The following GPHN variants were observed in gnomAD, a reference collection of about 807,000 sequenced individuals.
GPHN encodes the protein gephyrin.
In GPHN, 17 loss-of-function variants were observed where a neutral mutation model predicts 95.5. The observed-to-expected ratio is 0.18, with a 90% CI of 0.12 to 0.27. GPHN has a LOEUF of 0.27. GPHN is among the 10% of genes least tolerant of loss of function. The pLI is 1.00. For synonymous variants in GPHN, 320 were observed against 322.5 expected (o/e 0.99, Z 0.08); for missense variants, 660 against 978.1 (o/e 0.67, Z 4.34).
chr14:67,586,849 A>C, the GPHN span: 7 of 1,500,962 alleles, frequency 4.7e-6, no homozygotes, highest in Non-Finnish European at 5.3e-6. Context: ...TTTTCTCAGA[A>C]GGGCACTGTG....
At chr14:67,370,230 C>T in the GPHN span, among the ~76,000 whole-genome samples, 5 of 152,164 alleles carry the variant, frequency 3.3e-5, no homozygotes, top group Admixed American at 6.5e-5. Context: ...CCAGCTTGGG[C>T]GTTAGGACCA....
chr14:66,611,192 G>A (rs1352949318), intron 1 of GPHN, among the ~76,000 whole-genome samples: 1 of 152,084 alleles, frequency 6.6e-6, no homozygotes. Flanking sequence ...TTTTTTACTA[G>A]TAATTTAGTT....
At chr14:66,849,555 G>A (rs1450063853) in intron 4 of GPHN, among the ~76,000 whole-genome samples, 1 of 151,786 alleles carries the variant, frequency 6.6e-6, no homozygotes, top group Non-Finnish European at 1.5e-5. Context: ...TCTGGTAGGT[G>A]AAAAATTGTA....
intron 11 of GPHN, among the ~76,000 whole-genome samples, chr14:67,085,609 C>G (rs1296663482): frequency 1.3e-5 from 2 of 152,152 alleles, no homozygotes; most frequent in Non-Finnish European, 2.9e-5. Context: ...CTGGCAAGAA[C>G]TTAGGGTGTA....
At chr14:66,691,547 A>G (rs759649210) in intron 2 of GPHN, among the ~76,000 whole-genome samples, 2 of 152,178 alleles carry the variant, frequency 1.3e-5, no homozygotes, top group Non-Finnish European at 2.9e-5. Context: ...TGAAAATTAT[A>G]TTTCAGTGTC....
chr14:66,890,646 T>G (rs1326221533), intron 5 of GPHN, among the ~76,000 whole-genome samples: 3 of 151,978 alleles, frequency 2.0e-5, no homozygotes, highest in African/African-American at 7.2e-5. Context: ...CCAATATCCC[T>G]TAATGAATGT....
At chr14:66,912,793 A>G (rs1313279951) in intron 5 of GPHN, among the ~76,000 whole-genome samples, 2 of 152,186 alleles carry the variant, frequency 1.3e-5, no homozygotes, top group Non-Finnish European at 2.9e-5. Context: ...AATGCCTATT[A>G]TGTACTAGAT....
At chr14:66,536,358 A>G (rs953367308) in intron 1 of GPHN, among the ~76,000 whole-genome samples, 1 of 152,128 alleles carries the variant, frequency 6.6e-6, no homozygotes, top group African/African-American at 2.4e-5. Flanking sequence ...GGTGAATTAC[A>G]TTGATTGATT....
At position 66,669,599 on chromosome 14, in the gene GPHN, C is replaced by G. The variant is rs2066181973; in HGVS notation, c.65-11508C>G. ...GTTATTGTTTGACAATTCTTGGGGA[C>G]TTTATTTTTTTTTCCAAACCGTTTT... On this transcript the variant is annotated intron_variant, in intron 1 of 22. Coordinates refer to ENST00000478722, the MANE Select transcript of GPHN (RefSeq NM_020806.5). Among the ~76,000 whole-genome samples, 3 of 151,730 alleles carry G rather than the reference C, an allele frequency of 2.0e-5. No individual in the cohort carries two copies. In the South Asian group the frequency reaches 6.2e-4, roughly 32 times the overall value.
chr14:66,550,476 C>G (rs1382847254), intron 1 of GPHN, among the ~76,000 whole-genome samples: 1 of 152,154 alleles, frequency 6.6e-6, no homozygotes, highest in African/African-American at 2.4e-5. Flanking sequence ...GAATCTACTC[C>G]TGGTGATAAT....
the GPHN span, among the ~76,000 whole-genome samples, chr14:67,708,883 C>T: frequency 0.13 from 19,097 of 151,644 alleles, 1,467 homozygotes; most frequent in South Asian, 0.33. Flanking sequence ...ACCTCTGCCC[C>T]TCAGGTTCAA....
chr14:67,692,370 T>C, the GPHN span: 3 of 1,551,756 alleles, frequency 1.9e-6, no homozygotes, highest in African/African-American at 4.1e-5. Context: ...AGGGACCTTT[T>C]CCTTTTAGTT....
chr14:67,408,234 C>T, the GPHN span, among the ~76,000 whole-genome samples: 1 of 149,774 alleles, frequency 6.7e-6, no homozygotes, highest in Non-Finnish European at 1.5e-5. Context: ...TGCAGTGAGC[C>T]GAGATTGCAC....
At chr14:67,333,027 C>A in the GPHN span, 1 of 1,346,344 alleles carries the variant, frequency 7.4e-7, no homozygotes, top group Non-Finnish European at 1.0e-6. Flanking sequence ...CTGCCCGACA[C>A]TGCAGCAAGA....
chr14:67,337,191 G>C, the GPHN span, among the ~76,000 whole-genome samples: 1 of 152,200 alleles, frequency 6.6e-6, no homozygotes, highest in African/African-American at 2.4e-5. Context: ...GATGTTAAAT[G>C]CTTGCAAAAT....
chr14:67,386,970 GT>G, the GPHN span: 1 of 161,428 alleles, frequency 6.2e-6, no homozygotes, highest in Non-Finnish European at 1.3e-5. Context: ...TTCCAAAGAA[GT>G]TAAGAGAGAA....
the GPHN span, chr14:67,693,040 G>A: frequency 1.2e-6 from 2 of 1,611,930 alleles, no homozygotes; most frequent in South Asian, 2.2e-5. Flanking sequence ...ACACCCCACT[G>A]GACAGCATTT....
At chr14:67,279,021 T>C in the GPHN span, 5 of 724,054 alleles carry the variant, frequency 6.9e-6, no homozygotes, top group East Asian at 1.5e-4. Flanking sequence ...CCCTTAGATT[T>C]CCTTCATGGA....
At chr14:66,819,155 C>A (rs950923098) in intron 3 of GPHN, among the ~76,000 whole-genome samples, 5 of 152,106 alleles carry the variant, frequency 3.3e-5, no homozygotes, top group Admixed American at 3.3e-4. Context: ...GTCATGAATT[C>A]TTTGCCCATG....
Sources: allele counts gnomAD v4.1 joint callset (sites outside exome capture counted in the v4.1 genomes callset), GRCh38; gene constraint gnomAD v4.1.1; transcripts MANE v1.5; gene names NCBI Gene and HGNC (gene_info 2026-07-23, HGNC 2026-07-21).